VRK3: variants seen among roughly 807,000 people sequenced by gnomAD.
The protein encoded by VRK3 is serine/threonine-protein kinase VRK3.
A neutral mutation model predicts 60.4 loss-of-function variants in VRK3; 50 were observed. The observed-to-expected ratio is 0.83, with a 90% CI of 0.66 to 1.05. VRK3 has a LOEUF of 1.05. Ranked by LOEUF, VRK3 falls within the 50% of genes least tolerant of loss-of-function variation. The probability of loss-of-function intolerance (pLI) is 0.00; values close to 1 mark genes in which losing one functional copy is unlikely to be tolerated. For synonymous variants in VRK3, 246 were observed against 227.8 expected (o/e 1.08, Z -0.72); for missense variants, 549 against 585.3 (o/e 0.94, Z 0.64).
chr19:49,992,987 A>G (rs778222705), intron 9 of VRK3, 35 bp from the exon 10 acceptor site: 6 of 1,587,046 alleles, frequency 3.8e-6, no homozygotes, highest in Non-Finnish European at 5.2e-6. Flanking sequence ...CTGCATGAGC[A>G]GTACGACTAA....
chr19:50,011,192 C>T (rs1417657522), intron 3 of VRK3, among the ~76,000 whole-genome samples: 1 of 152,196 alleles, frequency 6.6e-6, no homozygotes. Context: ...GGACAAATAA[C>T]ACCTATGTAA....
At chr19:50,008,571 G>A (rs988258711) in intron 4 of VRK3, among the ~76,000 whole-genome samples, 2 of 152,212 alleles carry the variant, frequency 1.3e-5, no homozygotes, top group Admixed American at 1.3e-4. Flanking sequence ...CCGTGTCCTG[G>A]GCACTGGCTG....
At position 49,993,475 on chromosome 19, in the gene VRK3, T is replaced by C. The variant is rs8112075; in HGVS notation, c.871-523A>G. ...GTGCAGTGGTACAATCACTGCTCAC[T>C]GTAGCCTTGATTTCCCAAGCTCAGG... On this transcript the variant is annotated intron_variant, in intron 9 of 14. Coordinates refer to ENST00000316763, the MANE Select transcript of VRK3 (RefSeq NM_016440.4). 2.8e-3 allele frequency among the ~76,000 whole-genome samples: 428 copies of C among 152,236 alleles called. 3 individuals are homozygous for C. The highest frequency in any genetic ancestry group is 9.8e-3 in the African/African-American group (408 of 41,538).
At chr19:49,997,710 A>T in intron 6 of VRK3, 140 bp from the exon 7 acceptor site, 3 of 810,026 alleles carry the variant, frequency 3.7e-6, no homozygotes, top group Non-Finnish European at 5.9e-6. Flanking sequence ...TTCCTCAGGT[A>T]CTGCACACAA....
chr19:49,978,174 G>C (rs774948290), intron 14 of VRK3, among the ~76,000 whole-genome samples: 4 of 152,170 alleles, frequency 2.6e-5, no homozygotes, highest in Non-Finnish European at 4.4e-5. Flanking sequence ...ATGTCAGGCA[G>C]CATCCCGGCC....
chr19:50,016,303 T>A, intron 2 of VRK3, 140 bp from the exon 3 acceptor site: 1 of 1,114,704 alleles, frequency 9.0e-7, no homozygotes, highest in Non-Finnish European at 1.3e-6. Context: ...GTTCACTTCT[T>A]AAAACATGCA....
intron 8 of VRK3, 50 bp downstream of exon 8, chr19:49,995,141 G>C (rs2076679303): frequency 1.3e-6 from 2 of 1,585,682 alleles, no homozygotes; most frequent in Non-Finnish European, 8.6e-7. Context: ...GTCACAACAG[G>C]AAGAAGAGGA....
chr19:50,016,249 G>A (rs1215447281), intron 2 of VRK3, 86 bp from the exon 3 acceptor site: 3 of 1,558,224 alleles, frequency 1.9e-6, no homozygotes, highest in Non-Finnish European at 2.6e-6. Context: ...TAATCACAGG[G>A]TGAGTGGCAG....
intron 13 of VRK3, 129 bp from the exon 14 acceptor site, chr19:49,979,371 A>G (rs2076385896): frequency 7.6e-7 from 1 of 1,317,730 alleles, no homozygotes; most frequent in African/African-American, 1.5e-5. Flanking sequence ...AAAAGTGCCC[A>G]TTTTCTTGTT....
intron 11 of VRK3, among the ~76,000 whole-genome samples, chr19:49,988,784 C>T (rs905706554): frequency 6.6e-6 from 1 of 152,194 alleles, no homozygotes; most frequent in South Asian, 2.1e-4. Flanking sequence ...GTGTGCCAGG[C>T]CCAGCTCACT....
chr19:49,997,398 TTAATC>T, intron 7 of VRK3, 101 bp downstream of exon 7: 2 of 1,299,694 alleles, frequency 1.5e-6, no homozygotes, highest in Non-Finnish European at 2.1e-6. Context: ...ACCTGGGCCT[TTAATC>T]TAAGCCCACC....
chr19:50,010,652 C>A (rs1234776528), intron 3 of VRK3, among the ~76,000 whole-genome samples: 2 of 152,216 alleles, frequency 1.3e-5, no homozygotes, highest in Non-Finnish European at 2.9e-5. Flanking sequence ...GTGGCTCATG[C>A]CTGTAATCCC....
At chr19:49,977,050 G>A (rs2076342580) in intron 14 of VRK3, among the ~76,000 whole-genome samples, 1 of 152,182 alleles carries the variant, frequency 6.6e-6, no homozygotes, top group African/African-American at 2.4e-5. Flanking sequence ...CAAGTGGGTG[G>A]GGAGGCAGTG....
chr19:50,000,951 C>T (rs113636742), intron 5 of VRK3, 97 bp from the exon 6 acceptor site: 8 of 1,215,448 alleles, frequency 6.6e-6, no homozygotes, highest in African/African-American at 6.2e-5. Flanking sequence ...GCTCTGGTGC[C>T]CTGGTTCCAA....
intron 12 of VRK3, chr19:49,981,540 G>A (rs1025767126): frequency 1.3e-4 from 45 of 356,722 alleles, no homozygotes; most frequent in African/African-American, 3.8e-4. Flanking sequence ...GAGAGACTCC[G>A]TCTCAAAAAC....
At chr19:49,995,437 G>A (rs2076685772) in intron 7 of VRK3, among the ~76,000 whole-genome samples, 162 bp from the exon 8 acceptor site, 1 of 152,214 alleles carries the variant, frequency 6.6e-6, no homozygotes, top group South Asian at 2.1e-4. Context: ...AGGGGCTGGT[G>A]ACAGGGCAGG....
At chr19:49,983,012 G>A (rs1379347976) in intron 12 of VRK3, among the ~76,000 whole-genome samples, 1 of 152,008 alleles carries the variant, frequency 6.6e-6, no homozygotes, top group African/African-American at 2.4e-5. Context: ...CATGGATCTG[G>A]GGCCAGCTCA....
chr19:50,020,561 G>T (rs1374017373), intron 2 of VRK3, 24 bp downstream of exon 2: 1 of 152,260 alleles, frequency 6.6e-6, no homozygotes, highest in Non-Finnish European at 1.5e-5. Context: ...AAGGTCTTGA[G>T]AGGCTGTGCC....
chr19:50,006,808 T>C (rs1159331400), intron 5 of VRK3, among the ~76,000 whole-genome samples: 4 of 152,174 alleles, frequency 2.6e-5, no homozygotes, highest in South Asian at 2.1e-4. Context: ...TTTATTACAG[T>C]TAATACTAAT....
Sources: allele counts gnomAD v4.1 joint callset (sites outside exome capture counted in the v4.1 genomes callset), GRCh38; gene constraint gnomAD v4.1.1; transcripts MANE v1.5; gene names NCBI Gene and HGNC (gene_info 2026-07-23, HGNC 2026-07-21).